The following CRELD2 variants were observed in gnomAD, a reference collection of about 807,000 sequenced individuals.
The protein encoded by CRELD2 is CRELD disulfide isomerase 2, also known as protein disulfide isomerase CRELD2.
Under a neutral mutation model 48.1 loss-of-function variants are expected in CRELD2, and 33 were observed. That is an observed-to-expected ratio of 0.69 (90% CI 0.52 to 0.92). The LOEUF (loss-of-function observed/expected upper bound fraction) is 0.92, where lower values mean the gene tolerates loss of function less well. CRELD2 is among the 40% of genes least tolerant of loss of function. The pLI is 0.00. For synonymous variants in CRELD2, 220 were observed against 203.9 expected (o/e 1.08, Z -0.67); for missense variants, 477 against 482.4 (o/e 0.99, Z 0.10).
At chr22:49,923,456 C>A in intron 7 of CRELD2, 139 bp downstream of exon 7, 1 of 736,288 alleles carries the variant, frequency 1.4e-6, no homozygotes, top group South Asian at 1.5e-5. Context: ...CAAAGTAAGT[C>A]ATAGGTATTT....
At chr22:49,919,118 C>G in intron 1 of CRELD2, 112 bp from the exon 2 acceptor site, 1 of 1,161,912 alleles carries the variant, frequency 8.6e-7, no homozygotes, top group South Asian at 1.3e-5. Context: ...ACCGTGGAAC[C>G]AGGGTCGACG....
intron 8 of CRELD2, 37 bp downstream of exon 8, chr22:49,924,492 C>T (rs1275736609): frequency 1.2e-5 from 18 of 1,453,162 alleles, no homozygotes; most frequent in Admixed American, 1.9e-5. Flanking sequence ...CTGGTGGACC[C>T]TTCCCAAGTG....
intron 3 of CRELD2, 62 bp downstream of exon 3, chr22:49,919,902 C>T (rs1315009914): frequency 3.1e-6 from 4 of 1,278,494 alleles, no homozygotes; most frequent in African/African-American, 1.5e-5. Context: ...TTTGAAATAA[C>T]CTCAGACTTA....
At position 49,918,759 on chromosome 22, in the gene CRELD2, C is replaced by G. The variant is rs181555967; in HGVS notation, c.-11C>G. ...GAGCTCCGGCTGCGTCTTCCCGCAG[C>G]GCTACCCGCCATGCGCCTGCCGCGC... On this transcript the variant is annotated 5_prime_UTR_variant, in exon 1 of 10. Coordinates refer to ENST00000328268, the MANE Select transcript of CRELD2 (RefSeq NM_024324.5). 4.0e-3 allele frequency: 4,405 copies of G among 1,095,746 alleles called. 138 individuals carry two copies. In the African/African-American group the frequency reaches 0.065, roughly 16 times the overall value. 67.9% of individuals were successfully genotyped at this position (1,095,746 alleles called of 1,614,324 possible).
rs567702165 is a variant in CRELD2 at position 49,919,742 on chromosome 22, G to A, written c.225G>A (p.Leu75=). Residue 75 remains leucine (L), a synonymous_variant, in exon 3 of 10, where the codon CTG becomes CTA. Coordinates refer to ENST00000328268, the MANE Select transcript of CRELD2 (RefSeq NM_024324.5). ...LSKYESSEIR[L]LEILEGLCES... ...GCCTGTGTTTCAGCGAGATTCGCCT[G>A]CTGGAGATCCTGGAGGGGCTGTGCG... The A allele has an allele frequency of 3.1e-6, 5 of 1,609,234 alleles. No homozygotes were observed. In the African/African-American group the frequency reaches 6.7e-5, roughly 22 times the overall value.
At chr22:49,927,145 A>G in intron 9 of CRELD2, 110 bp from the exon 10 acceptor site, 1 of 972,504 alleles carries the variant, frequency 1.0e-6, no homozygotes, top group Non-Finnish European at 1.7e-6. Context: ...CGGGGCTTTG[A>G]GCCAGGACTG....
intron 9 of CRELD2, chr22:49,925,885 G>C (rs144107721): frequency 7.5e-6 from 4 of 531,128 alleles, no homozygotes; most frequent in African/African-American, 6.0e-5. Flanking sequence ...AAAGTCATCC[G>C]GGGAAGCTGC....
In CRELD2 at chr22:49,922,212, C is replaced by T. The variant is rs1190349620; in HGVS notation, c.593-400C>T. ...TCTCGGACGTGAGTGTGTGGTTGGC[C>T]GGCAGCCCCTAGGCTATTCTGGGCA... On this transcript the variant is annotated intron_variant, in intron 5 of 9. Transcript: ENST00000328268. 55 of 1,432,692 alleles carry T rather than the reference C, an allele frequency of 3.8e-5. No individual in the cohort carries two copies. The South Asian group carries it at 5.0e-4, about 13-fold the overall frequency. 88.7% of individuals were successfully genotyped at this position (1,432,692 alleles called of 1,614,324 possible). A position where few individuals can be genotyped will look rare whatever the true frequency, so the allele number is the denominator to read the frequency against.
At chr22:49,922,496 G>C (rs568391334) in intron 5 of CRELD2, 116 bp from the exon 6 acceptor site, 1 of 1,516,952 alleles carries the variant, frequency 6.6e-7, no homozygotes, top group South Asian at 1.2e-5. Flanking sequence ...AAATTCATGG[G>C]CACTGAAAAT....
rs1451369367 is a variant in CRELD2 at position 49,927,484 on chromosome 22, T to C, written c.*177T>C. 1 of 619,580 alleles carries C rather than the reference T, an allele frequency of 1.6e-6. No homozygotes were observed. Among genetic ancestry groups the C allele is most frequent in the Non-Finnish European group, 2.9e-6 (1 of 340,796 alleles). The allele number at this position is 619,580 out of a possible 1,614,324, so 38.4% of individuals were successfully genotyped here. On this transcript the variant is annotated 3_prime_UTR_variant, in exon 10 of 10. Coordinates refer to ENST00000328268, the MANE Select transcript of CRELD2 (RefSeq NM_024324.5). Reference sequence around the variant, plus strand: ...TTGGTTGTTCTTAAACAGACTTGTATATTTTGATACAGTTCTTTGTAATAA... The same window carrying C: ...TTGGTTGTTCTTAAACAGACTTGTACATTTTGATACAGTTCTTTGTAATAA...
intron 4 of CRELD2, among the ~76,000 whole-genome samples, chr22:49,920,936 C>G (rs567201712): frequency 1.7e-4 from 26 of 152,364 alleles, no homozygotes; most frequent in African/African-American, 6.0e-4. Context: ...GTCAGTGTCC[C>G]TATCACCATG....
chr22:49,923,129 C>T, intron 6 of CRELD2, 105 bp from the exon 7 acceptor site: 1 of 883,940 alleles, frequency 1.1e-6, no homozygotes, highest in Non-Finnish European at 1.7e-6. Flanking sequence ...CCCTGCCCTT[C>T]CCCAGCCGGC....
intron 4 of CRELD2, among the ~76,000 whole-genome samples, chr22:49,921,102 C>T (rs2060681735): frequency 6.6e-6 from 1 of 152,236 alleles, no homozygotes; most frequent in South Asian, 2.1e-4. Flanking sequence ...GGTGCAGCCG[C>T]TCTGCACCTA....
chr22:49,922,239 A>G (rs2060695713), intron 5 of CRELD2: 1 of 1,542,674 alleles, frequency 6.5e-7, no homozygotes, highest in Non-Finnish European at 8.8e-7. Flanking sequence ...TTCTGGGCAG[A>G]CAGACCCGTG....
chr22:49,924,799 G>A (rs1051576609), intron 8 of CRELD2: 18 of 192,418 alleles, frequency 9.4e-5, no homozygotes, highest in African/African-American at 4.0e-4. Context: ...GTTGTGGGCT[G>A]CCTGGGTGAG....
intron 1 of CRELD2, 53 bp from the exon 2 acceptor site, chr22:49,919,160 ACCTGGGCTCGCCCCCAC>A: frequency 1.0e-6 from 1 of 964,770 alleles, no homozygotes; most frequent in Non-Finnish European, 1.4e-6. Context: ...CTCACCCTCG[ACCTGGGCTCGCCCCCAC>A]CCTGGACCCG....
intron 2 of CRELD2, 98 bp from the exon 3 acceptor site, chr22:49,919,632 G>T (rs2060657157): frequency 1.1e-5 from 10 of 872,932 alleles, no homozygotes; most frequent in Middle Eastern, 3.5e-4. Context: ...CGGAGTCCTG[G>T]CTCCCCGGCC....
chr22:49,919,156 CT>C, intron 1 of CRELD2, 73 bp from the exon 2 acceptor site: 22 of 957,706 alleles, frequency 2.3e-5, no homozygotes, highest in South Asian at 2.6e-5. Context: ...TCCCCTCACC[CT>C]CGACCTGGGC....
intron 5 of CRELD2, chr22:49,922,394 C>G (rs766935362): frequency 2.5e-6 from 4 of 1,610,030 alleles, no homozygotes; most frequent in Non-Finnish European, 3.4e-6. Flanking sequence ...GGAACACGCA[C>G]ACCCAGCCAG....
Sources: allele counts gnomAD v4.1 joint callset (sites outside exome capture counted in the v4.1 genomes callset), GRCh38; gene constraint gnomAD v4.1.1; transcripts MANE v1.5; gene names NCBI Gene and HGNC (gene_info 2026-07-23, HGNC 2026-07-21).